SMIM18: variants seen among roughly 807,000 people sequenced by gnomAD.
The protein encoded by SMIM18 is small integral membrane protein 18.
SMIM18 carries 4 observed loss-of-function variants against 5.9 expected under a neutral mutation model. The observed-to-expected ratio is 0.68, with a 90% confidence interval of 0.33 to 1.56. The LOEUF is 1.56. Ranked by LOEUF, SMIM18 falls within the 40% of genes most tolerant of loss-of-function variation. SMIM18 has a pLI of 0.06. For missense variants in SMIM18, 89 were observed against 109.7 expected, an observed-to-expected ratio of 0.81 and a Z score of 0.84; for synonymous variants, 37 against 37.4, an observed-to-expected ratio of 0.99 and a Z score of 0.04.
intron 1 of SMIM18, among the ~76,000 whole-genome samples, chr8:30,640,724 G>A (rs1002266630): frequency 6.6e-6 from 1 of 152,014 alleles, no homozygotes; most frequent in East Asian, 1.9e-4. Context: ...TTTGGCGGGG[G>A]GACGGAGTCT....
intron 1 of SMIM18, among the ~76,000 whole-genome samples, chr8:30,644,011 T>TC (rs1801963440): frequency 6.6e-6 from 1 of 152,224 alleles, no homozygotes; most frequent in South Asian, 2.1e-4. Context: ...ACCGATAAAT[T>TC]AATGAAGTAG....
At chr8:30,641,373 G>GT (rs1215092573) in intron 1 of SMIM18, among the ~76,000 whole-genome samples, 2 of 151,968 alleles carry the variant, frequency 1.3e-5, no homozygotes, top group Non-Finnish European at 2.9e-5. Context: ...TTTTGGTTTG[G>GT]TTTTTTTGAG....
intron 1 of SMIM18, chr8:30,643,858 G>A (rs972938812): frequency 2.6e-5 from 4 of 150,974 alleles, no homozygotes; most frequent in East Asian, 3.9e-4. Flanking sequence ...TGTAGTTTTC[G>A]TTAAATGAAA....
intron 1 of SMIM18, among the ~76,000 whole-genome samples, chr8:30,643,201 T>C (rs918340786): frequency 6.6e-6 from 1 of 152,200 alleles, no homozygotes; most frequent in African/African-American, 2.4e-5. Context: ...GTGAAAACAA[T>C]ATTGTGGTTA....
intron 1 of SMIM18, among the ~76,000 whole-genome samples, chr8:30,642,667 T>C (rs1801890170): frequency 6.6e-6 from 1 of 152,216 alleles, no homozygotes; most frequent in African/African-American, 2.4e-5. Context: ...AGAGTATATG[T>C]TTTCCCTCTT....
chr8:30,642,666 G>A (rs2978258), intron 1 of SMIM18, among the ~76,000 whole-genome samples: 124,456 of 152,164 alleles, frequency 0.82, 51,667 homozygotes, highest in African/African-American at 0.95. Context: ...AAGAGTATAT[G>A]TTTTCCCTCT....
chr8:30,645,504 A>G lies in SMIM18; in HGVS notation c.195A>G (p.Val65=). The stretch of plus-strand genomic sequence containing the variant: ...AAGTGCTTGACTGCTGCTGCTGTGT[A>G]AAAAACAAAACCGTGAAAGACTTGA... ...LYEVLDCCCC[V]KNKTVKDLKS... The change falls in exon 3 of 3, where the codon GTA becomes GTG. Residue 65 remains valine, a synonymous_variant. Coordinates refer to ENST00000517349, the MANE Select transcript of SMIM18 (RefSeq NM_001206847.2). The G allele has an allele frequency of 6.5e-7, 1 of 1,535,674 alleles. No individual in the cohort carries two copies. The highest frequency in any genetic ancestry group is 8.7e-7 in the Non-Finnish European group (1 of 1,146,892).
chr8:30,639,067 G>A (rs771902421), intron 1 of SMIM18, among the ~76,000 whole-genome samples: 1 of 152,160 alleles, frequency 6.6e-6, no homozygotes, highest in Non-Finnish European at 1.5e-5. Flanking sequence ...ATGTGCAAAT[G>A]ATATTGGCTG....
rs1035929844 is a variant in SMIM18 at position 30,645,649 on chromosome 8, G to GA, written c.*60dup. On this transcript the variant is annotated 3_prime_UTR_variant, in exon 3 of 3. Transcript: ENST00000517349. ...CTGAAAGCAGCTCAACCTCTTCTGA[G>GA]AAAAAAAATATATTCTGAGGCCAAC... 3.2e-4 allele frequency: 468 copies of GA among 1,452,384 alleles called. 4 individuals are homozygous for GA. The Middle Eastern group carries it at 4.5e-3, about 14-fold the overall frequency. 90.0% of individuals were successfully genotyped at this position (1,452,384 alleles called of 1,614,324 possible). A position where few individuals can be genotyped will look rare whatever the true frequency, so the allele number is the denominator to read the frequency against.
intron 1 of SMIM18, among the ~76,000 whole-genome samples, chr8:30,643,055 G>C (rs547764707): frequency 3.7e-4 from 57 of 152,286 alleles, no homozygotes; most frequent in African/African-American, 1.2e-3. Context: ...AGTCCATCCA[G>C]AGAGGTGAAG....
At chr8:30,644,394 T>C (rs1280922484) in intron 1 of SMIM18, 98 bp from the exon 2 acceptor site, 1 of 152,182 alleles carries the variant, frequency 6.6e-6, no homozygotes, top group East Asian at 1.9e-4. Flanking sequence ...ACCCCAAGAT[T>C]AGGGTCTCTT....
Position 30,645,456 on chromosome 8 carries a change from A to G in SMIM18, c.147A>G (p.Leu49=). The G allele has an allele frequency of 6.5e-7, 1 of 1,535,658 alleles. No individual in the cohort carries two copies. The change falls in exon 3 of 3, where the codon TTA becomes TTG. Residue 49 remains leucine (L), a synonymous_variant. Coordinates refer to ENST00000517349, the MANE Select transcript of SMIM18 (RefSeq NM_001206847.2). The part of the protein sequence containing the change: ...LLLFIFTVVS[L]VVLAFLYEVL... ...TATTTATATTTACAGTGGTATCTTT[A>G]GTGGTGCTGGCTTTCCTTTATGAAG...
Position 30,645,745 on chromosome 8 carries a change from A to C in SMIM18, c.*148A>C. ...GTAGAAGGGGAAAAAAAAGTTAAAC[A>C]TGCACTGTTTGTGTGTATAGCCATT... On this transcript the variant is annotated 3_prime_UTR_variant, in exon 3 of 3. Transcript: ENST00000517349. The C allele has an allele frequency of 1.4e-6, 1 of 734,864 alleles. No individual in the cohort carries two copies. Among genetic ancestry groups the C allele is most frequent in the Non-Finnish European group, 2.2e-6 (1 of 461,724 alleles). The allele number at this position is 734,864 out of a possible 1,614,324, so 45.5% of individuals were successfully genotyped here.
Position 30,645,647 on chromosome 8 carries a change from G to A in SMIM18, c.*50G>A, listed in dbSNP as rs1324533889. 2.7e-6 allele frequency: 4 copies of A among 1,465,742 alleles called. No homozygotes were observed. The highest frequency in any genetic ancestry group is 3.6e-6 in the Non-Finnish European group (4 of 1,108,650). 90.8% of individuals were successfully genotyped at this position (1,465,742 alleles called of 1,614,324 possible). On this transcript the variant is annotated 3_prime_UTR_variant, in exon 3 of 3. Coordinates refer to ENST00000517349, the MANE Select transcript of SMIM18 (RefSeq NM_001206847.2). ...CTCTGAAAGCAGCTCAACCTCTTCT[G>A]AGAAAAAAAATATATTCTGAGGCCA...
chr8:30,638,765 T>TC (rs1230086164), intron 1 of SMIM18, 126 bp downstream of exon 1: 1 of 152,434 alleles, frequency 6.6e-6, no homozygotes, highest in African/African-American at 2.4e-5. Flanking sequence ...AGCAATGTAT[T>TC]CGTTTCACCG....
At chr8:30,640,482 T>C (rs771546923) in intron 1 of SMIM18, among the ~76,000 whole-genome samples, 5 of 151,828 alleles carry the variant, frequency 3.3e-5, no homozygotes, top group Non-Finnish European at 4.4e-5. Context: ...CTAAAACACA[T>C]ATGCTAAAAA....
At position 30,645,639 on chromosome 8, in the gene SMIM18, C is replaced by A; in HGVS notation, c.*42C>A. ...AACAAAATCTCTGAAAGCAGCTCAA[C>A]CTCTTCTGAGAAAAAAAATATATTC... On this transcript the variant is annotated 3_prime_UTR_variant, in exon 3 of 3. Transcript: ENST00000517349. 1 of 1,487,196 alleles carries A rather than the reference C, an allele frequency of 6.7e-7. No homozygotes were observed. The highest frequency in any genetic ancestry group is 1.3e-5 in the South Asian group (1 of 77,568). The allele number at this position is 1,487,196 out of a possible 1,614,324, so 92.1% of individuals were successfully genotyped here. A position where few individuals can be genotyped will look rare whatever the true frequency, so the allele number is the denominator to read the frequency against.
chr8:30,644,583 T>C lies in SMIM18; in HGVS notation c.-30+11T>C, dbSNP rs1215057515. The C allele has an allele frequency of 6.6e-6, 1 of 151,006 alleles. No individual in the cohort carries two copies. The highest frequency in any genetic ancestry group is 2.4e-5 in the African/African-American group (1 of 41,354). 9.4% of individuals were successfully genotyped at this position (151,006 alleles called of 1,614,324 possible). A position where few individuals can be genotyped will look rare whatever the true frequency, so the allele number is the denominator to read the frequency against. On this transcript the variant is annotated intron_variant, in intron 2 of 2. Coordinates refer to ENST00000517349, the MANE Select transcript of SMIM18 (RefSeq NM_001206847.2). ...CACTGAACCAAAAAGGTAAGAAGAA[T>C]CCACAAGGCTAATGATAAAAGCTTT...
chr8:30,642,599 CATT>C (rs779558746), intron 1 of SMIM18, among the ~76,000 whole-genome samples: 5 of 152,188 alleles, frequency 3.3e-5, no homozygotes, highest in Non-Finnish European at 7.4e-5. Flanking sequence ...TCCACACCAT[CATT>C]GTGATTAATT....
Sources: allele counts gnomAD v4.1 joint callset (sites outside exome capture counted in the v4.1 genomes callset), GRCh38; gene constraint gnomAD v4.1.1; transcripts MANE v1.5; gene names NCBI Gene and HGNC (gene_info 2026-07-23, HGNC 2026-07-21).